SPOPL: variants seen among roughly 807,000 people sequenced by gnomAD.
The protein encoded by SPOPL is speckle-type POZ protein-like.
A neutral mutation model predicts 53.8 loss-of-function variants in SPOPL; 23 were observed. The observed-to-expected ratio is 0.43, with a 90% CI of 0.31 to 0.61. The LOEUF (loss-of-function observed/expected upper bound fraction) is 0.61, where lower values mean the gene tolerates loss of function less well. Among genes scored for constraint, SPOPL ranks in the 20% least tolerant of loss-of-function variants. The pLI, the probability that SPOPL is intolerant of heterozygous loss-of-function variation, is 0.12. For missense variants in SPOPL, 442 were observed against 466.9 expected, an observed-to-expected ratio of 0.95 and a Z score of 0.49; for synonymous variants, 164 against 149.7, an observed-to-expected ratio of 1.10 and a Z score of -0.70.
intron 1 of SPOPL, among the ~76,000 whole-genome samples, chr2:138,502,518 T>C (rs1001069025): frequency 2.6e-5 from 4 of 152,184 alleles, no homozygotes; most frequent in Non-Finnish European, 4.4e-5. Context: ...AACTGCATGC[T>C]CTGCCACCGC....
intron 5 of SPOPL, among the ~76,000 whole-genome samples, chr2:138,555,040 T>TAAA (rs1191415826): frequency 6.6e-6 from 1 of 152,030 alleles, no homozygotes; most frequent in Admixed American, 6.5e-5. Flanking sequence ...GAGGTCCTTT[T>TAAA]TCTCACATCA....
chr2:138,509,619 C>T (rs1394446274), intron 1 of SPOPL, among the ~76,000 whole-genome samples: 1 of 152,044 alleles, frequency 6.6e-6, no homozygotes, highest in African/African-American at 2.4e-5. Context: ...GTTTTTGAAG[C>T]TGTTTTAGGT....
In SPOPL at chr2:138,570,962, G is replaced by A. The variant is rs1685767438; in HGVS notation, c.*1882G>A. On this transcript the variant is annotated 3_prime_UTR_variant, in exon 11 of 11. Transcript: ENST00000280098. ...AAATTTGAAATTGGAAGAATCTCTT[G>A]GGATAGAAGAAAGATTCTTACCTGG... The A allele has an allele frequency of 6.6e-6, 1 of 152,114 alleles. No individual in the cohort carries two copies. Among genetic ancestry groups the A allele is most frequent in the African/African-American group, 2.4e-5 (1 of 41,496 alleles). The allele number at this position is 152,114 out of a possible 1,614,324, so 9.4% of individuals were successfully genotyped here. A position where few individuals can be genotyped will look rare whatever the true frequency, so the allele number is the denominator to read the frequency against.
intron 1 of SPOPL, among the ~76,000 whole-genome samples, chr2:138,527,301 C>T (rs992988341): frequency 4.6e-5 from 7 of 151,970 alleles, no homozygotes; most frequent in African/African-American, 1.5e-4. Context: ...CTTTATATAT[C>T]TCCGTTGTTC....
chr2:138,541,308 A>AC (rs1685066663), intron 1 of SPOPL, among the ~76,000 whole-genome samples: 1 of 152,216 alleles, frequency 6.6e-6, no homozygotes, highest in Non-Finnish European at 1.5e-5. Context: ...GAGTAGTTTC[A>AC]GAAGGAATGG....
chr2:138,532,568 A>G (rs1471635233), intron 1 of SPOPL, among the ~76,000 whole-genome samples: 2 of 147,766 alleles, frequency 1.4e-5, no homozygotes, highest in East Asian at 2.0e-4. Flanking sequence ...CTGGGACTAC[A>G]GGCGCCTACC....
intron 3 of SPOPL, 82 bp from the exon 4 acceptor site, chr2:138,550,821 C>T (rs1393119850): frequency 2.3e-6 from 2 of 865,392 alleles, no homozygotes; most frequent in South Asian, 3.8e-5. Context: ...TGTTCTCTCT[C>T]TCTCTTTCTC....
intron 1 of SPOPL, among the ~76,000 whole-genome samples, chr2:138,531,822 G>A (rs528764545): frequency 1.3e-5 from 2 of 151,588 alleles, no homozygotes; most frequent in African/African-American, 2.4e-5. Flanking sequence ...ATTCATAAGC[G>A]TCTGTTTTTT....
chr2:138,558,550 G>A (rs1025546205), intron 5 of SPOPL, among the ~76,000 whole-genome samples: 2 of 151,976 alleles, frequency 1.3e-5, no homozygotes, highest in African/African-American at 4.8e-5. Context: ...CATATCATAG[G>A]CTGTAATTTT....
At chr2:138,550,829 C>CTG in intron 3 of SPOPL, 74 bp from the exon 4 acceptor site, 1 of 984,830 alleles carries the variant, frequency 1.0e-6, no homozygotes. Context: ...CTCTCTCTTT[C>CTG]TCTCTCTCTC....
At position 138,543,203 on chromosome 2, in the gene SPOPL, G is replaced by A. The variant is rs535821500; in HGVS notation, c.-60-6954G>A. 2.0e-4 allele frequency among the ~76,000 whole-genome samples: 31 copies of A among 152,104 alleles called. No individual in the cohort carries two copies. The East Asian group carries it at 5.8e-3, about 29-fold the overall frequency. ...CATTTCAACTTTGGTGAATCTGACAGTTATGTGTCTTGGAGTTGCTCTTCT... is the reference window on the plus strand; with the variant it reads ...CATTTCAACTTTGGTGAATCTGACAATTATGTGTCTTGGAGTTGCTCTTCT... On this transcript the variant is annotated intron_variant, in intron 1 of 10. Coordinates refer to ENST00000280098, the MANE Select transcript of SPOPL (RefSeq NM_001001664.3).
At chr2:138,536,346 C>CCACA (rs757753670) in intron 1 of SPOPL, among the ~76,000 whole-genome samples, 14 of 151,312 alleles carry the variant, frequency 9.3e-5, no homozygotes, top group South Asian at 4.1e-4. Context: ...TGCCCCCCCC[C>CCACA]CACACACACA....
At chr2:138,545,002 G>T (rs895261834) in intron 1 of SPOPL, among the ~76,000 whole-genome samples, 1 of 151,994 alleles carries the variant, frequency 6.6e-6, no homozygotes, top group Non-Finnish European at 1.5e-5. Flanking sequence ...ACGGTTTTTT[G>T]CCTGGTCATT....
chr2:138,512,158 A>G (rs900197238), intron 1 of SPOPL, among the ~76,000 whole-genome samples: 51 of 152,352 alleles, frequency 3.3e-4, no homozygotes, highest in African/African-American at 1.2e-3. Flanking sequence ...TTTTGTGCAC[A>G]TAATGAATAT....
chr2:138,571,907 C>A lies in SPOPL; in HGVS notation c.*2827C>A, dbSNP rs1156681517. 6.6e-6 allele frequency: 1 copy of A among 152,430 alleles called. No homozygotes were observed. The highest frequency in any genetic ancestry group is 2.4e-5 in the African/African-American group (1 of 41,372). 9.4% of individuals were successfully genotyped at this position (152,430 alleles called of 1,614,324 possible). Reference sequence around the variant, plus strand: ...TTTGGAGCACAAATAATGAAGGTGCCATAATATGGCTTGCCAATGTTACCT... The same window carrying A: ...TTTGGAGCACAAATAATGAAGGTGCAATAATATGGCTTGCCAATGTTACCT... On this transcript the variant is annotated 3_prime_UTR_variant, in exon 11 of 11. Transcript: ENST00000280098.
chr2:138,550,741 G>A (rs1423073733), intron 3 of SPOPL, 137 bp downstream of exon 3: 1 of 1,414,494 alleles, frequency 7.1e-7, no homozygotes, highest in Non-Finnish European at 9.6e-7. Context: ...TCCTAATAGT[G>A]TGGGGAATTA....
intron 1 of SPOPL, among the ~76,000 whole-genome samples, chr2:138,503,183 T>C (rs1306985160): frequency 1.3e-5 from 2 of 152,244 alleles, no homozygotes; most frequent in Non-Finnish European, 2.9e-5. Flanking sequence ...AAATGTTGCC[T>C]AGTGGTTAAG....
Position 138,559,282 on chromosome 2 carries a change from C to T in SPOPL, c.659C>T (p.Ala220Val). 6.2e-7 allele frequency: 1 copy of T among 1,612,988 alleles called. No individual in the cohort carries two copies. The highest frequency in any genetic ancestry group is 1.1e-5 in the South Asian group (1 of 90,804). ...EFKAHKSVLA[A>V]RSPVFNAMFE... ...ATAATGATACATAATCTTGTTACAGCTCGATCTCCAGTTTTTAACGCCATG... is the reference window on the plus strand; with the variant it reads ...ATAATGATACATAATCTTGTTACAGTTCGATCTCCAGTTTTTAACGCCATG... Residue 220 changes from alanine to valine, a missense_variant and splice_region_variant, in exon 7 of 11, where the codon GCT becomes GTT. Ala to Val is a moderately conservative substitution (Grantham distance 64). Coordinates refer to ENST00000280098, the MANE Select transcript of SPOPL (RefSeq NM_001001664.3).
chr2:138,563,247 G>C (rs961686716), intron 8 of SPOPL, among the ~76,000 whole-genome samples: 1 of 152,162 alleles, frequency 6.6e-6, no homozygotes, highest in Non-Finnish European at 1.5e-5. Context: ...GGAGGCCTGG[G>C]CTGGAATATC....
Sources: allele counts gnomAD v4.1 joint callset (sites outside exome capture counted in the v4.1 genomes callset), GRCh38; gene constraint gnomAD v4.1.1; transcripts MANE v1.5; gene names NCBI Gene and HGNC (gene_info 2026-07-23, HGNC 2026-07-21).